The following CNTNAP2 variants were observed in gnomAD, a reference collection of about 807,000 sequenced individuals.
The protein encoded by CNTNAP2 is contactin-associated protein-like 2.
Under a neutral mutation model 155.2 loss-of-function variants are expected in CNTNAP2, and 98 were observed. The ratio of observed to expected loss-of-function variants is 0.63; its 90% CI spans 0.54 to 0.75. The LOEUF is 0.75. Ranked by LOEUF, CNTNAP2 falls within the 30% of genes least tolerant of loss-of-function variation. CNTNAP2 has a pLI of 0.00. For missense variants in CNTNAP2, 1,727 were observed against 1,688.1 expected (o/e 1.02, Z -0.40); for synonymous variants, 651 against 631.2 (o/e 1.03, Z -0.47).
chr7:147,017,723 A>G (rs1584785669), intron 3 of CNTNAP2, among the ~76,000 whole-genome samples: 2 of 149,426 alleles, frequency 1.3e-5, no homozygotes, highest in East Asian at 4.2e-4. Context: ...AAAATGTTAA[A>G]AAAATGATTC....
intron 1 of CNTNAP2, among the ~76,000 whole-genome samples, chr7:146,633,918 C>A (rs13229827): frequency 0.075 from 11,194 of 149,312 alleles, 467 homozygotes; most frequent in Non-Finnish European, 0.089. Flanking sequence ...TAAAAAGAGA[C>A]GATAGACATT....
At chr7:146,319,152 C>T (rs781601893) in intron 1 of CNTNAP2, among the ~76,000 whole-genome samples, 4 of 152,122 alleles carry the variant, frequency 2.6e-5, no homozygotes, top group Non-Finnish European at 4.4e-5. Context: ...CAGAACCCTC[C>T]TTATCCTCTA....
chr7:147,316,890 A>G (rs1254851011), intron 9 of CNTNAP2, among the ~76,000 whole-genome samples: 1 of 152,226 alleles, frequency 6.6e-6, no homozygotes, highest in Non-Finnish European at 1.5e-5. Context: ...GGTTAATGAC[A>G]TAGTCTTATT....
intron 1 of CNTNAP2, among the ~76,000 whole-genome samples, chr7:146,596,631 GAGA>G: frequency 1.3e-5 from 2 of 148,762 alleles, no homozygotes; most frequent in East Asian, 2.0e-4. Flanking sequence ...GAGAGAGAGA[GAGA>G]GAGAGAAATT....
intron 3 of CNTNAP2, among the ~76,000 whole-genome samples, chr7:146,901,839 G>A (rs950289588): frequency 2.7e-5 from 4 of 147,702 alleles, no homozygotes; most frequent in African/African-American, 5.0e-5. Context: ...TGCTCTTTGA[G>A]CCCTTTACAG....
intron 3 of CNTNAP2, among the ~76,000 whole-genome samples, chr7:146,847,176 A>T (rs779930148): frequency 6.6e-6 from 1 of 152,150 alleles, no homozygotes; most frequent in African/African-American, 2.4e-5. Flanking sequence ...TGAATAAGAT[A>T]TCAGTTCCTT....
At chr7:148,253,633 G>A (rs546070518) in intron 20 of CNTNAP2, among the ~76,000 whole-genome samples, 38 of 152,210 alleles carry the variant, frequency 2.5e-4, no homozygotes, top group African/African-American at 6.5e-4. Flanking sequence ...TGAGTCTTAC[G>A]CCGAGGCCTC....
At chr7:147,369,752 G>T (rs1204636891) in intron 9 of CNTNAP2, among the ~76,000 whole-genome samples, 1 of 152,174 alleles carries the variant, frequency 6.6e-6, no homozygotes, top group African/African-American at 2.4e-5. Context: ...GCCCATGCCT[G>T]ATTGAGGCCC....
At chr7:147,727,610 A>G (rs1443135670) in intron 13 of CNTNAP2, among the ~76,000 whole-genome samples, 1 of 152,002 alleles carries the variant, frequency 6.6e-6, no homozygotes, top group East Asian at 1.9e-4. Context: ...AGCATTCTCA[A>G]AAACACTGAG....
At chr7:146,580,908 C>T (rs1798602091) in intron 1 of CNTNAP2, among the ~76,000 whole-genome samples, 2 of 152,044 alleles carry the variant, frequency 1.3e-5, no homozygotes, top group East Asian at 3.9e-4. Flanking sequence ...CCAAGCGACA[C>T]TCTCACCTCA....
chr7:146,444,313 C>G (rs1796370352), intron 1 of CNTNAP2, among the ~76,000 whole-genome samples: 1 of 152,182 alleles, frequency 6.6e-6, no homozygotes, highest in South Asian at 2.1e-4. Context: ...GCATGAACCA[C>G]CGCACCCAGC....
intron 13 of CNTNAP2, among the ~76,000 whole-genome samples, chr7:147,653,600 A>G (rs1039087550): frequency 1.3e-5 from 2 of 152,154 alleles, no homozygotes; most frequent in Non-Finnish European, 2.9e-5. Context: ...CTAGAGGAAG[A>G]GGCACTAGGG....
rs142189654 is a variant in CNTNAP2, at chr7:148,276,783, A to G, written c.3475+9657A>G. On this transcript the variant is annotated intron_variant, in intron 21 of 23. Coordinates refer to ENST00000361727, the MANE Select transcript of CNTNAP2 (RefSeq NM_014141.6). Reference sequence around the variant, plus strand: ...ATACCATCTGCAGAGTGCAAAATGCATAACAGGAAGTGAGAAGCTGCAGGG... The same window carrying G: ...ATACCATCTGCAGAGTGCAAAATGCGTAACAGGAAGTGAGAAGCTGCAGGG... 5.2e-5 allele frequency among the ~76,000 whole-genome samples: 8 copies of G among 152,390 alleles called. No homozygotes were observed. The East Asian group carries it at 1.3e-3, about 26-fold the overall frequency.
chr7:146,144,139 A>ATATT (rs531251321), intron 1 of CNTNAP2, among the ~76,000 whole-genome samples: 3,029 of 151,526 alleles, frequency 0.02, 89 homozygotes, highest in African/African-American at 0.062. Context: ...ACTTCCTAAA[A>ATATT]TATTTATTTA....
chr7:147,545,627 G>C (rs1266381675), intron 11 of CNTNAP2, among the ~76,000 whole-genome samples: 1 of 152,308 alleles, frequency 6.6e-6, no homozygotes, highest in African/African-American at 2.4e-5. Context: ...GGGCTGGGCA[G>C]TCTGTGATGT....
intron 10 of CNTNAP2, among the ~76,000 whole-genome samples, chr7:147,430,593 C>A (rs2116527419): frequency 6.6e-6 from 1 of 152,264 alleles, no homozygotes; most frequent in South Asian, 2.1e-4. Context: ...GCACCACCCA[C>A]CAGTGCTCTA....
At chr7:147,309,017 C>G (rs994368909) in intron 9 of CNTNAP2, among the ~76,000 whole-genome samples, 1 of 152,118 alleles carries the variant, frequency 6.6e-6, no homozygotes, top group Non-Finnish European at 1.5e-5. Flanking sequence ...AATATTGATT[C>G]ACAAATAACC....
intron 8 of CNTNAP2, among the ~76,000 whole-genome samples, chr7:147,148,653 C>A (rs1025736442): frequency 1.3e-5 from 2 of 150,432 alleles, no homozygotes; most frequent in African/African-American, 2.5e-5. Context: ...TCCGAAGTTT[C>A]TTCCTTCCTG....
chr7:147,397,103 A>G (rs1796829803), intron 10 of CNTNAP2, among the ~76,000 whole-genome samples: 1 of 152,084 alleles, frequency 6.6e-6, no homozygotes, highest in South Asian at 2.1e-4. Flanking sequence ...AACTTCTATA[A>G]AGCCTTCACA....
Sources: gnomAD v4.1 joint callset for allele counts (sites outside exome capture counted in the v4.1 genomes callset) on GRCh38, gnomAD v4.1.1 for gene constraint, MANE v1.5 for transcripts, NCBI Gene and HGNC (gene_info 2026-07-23, HGNC 2026-07-21) for gene names.